NFIB: variants seen among roughly 807,000 people sequenced by gnomAD.
NFIB encodes the protein nuclear factor 1 B-type.
A neutral mutation model predicts 61.5 loss-of-function variants in NFIB; 11 were observed. That is an observed-to-expected ratio of 0.18 (90% confidence interval 0.11 to 0.30). The LOEUF (loss-of-function observed/expected upper bound fraction) is 0.30. Ranked by LOEUF, NFIB falls within the 10% of genes least tolerant of loss-of-function variation. The pLI is 1.00. For missense variants in NFIB, 471 were observed against 608.9 expected (o/e 0.77, Z 2.38); for synonymous variants, 260 against 216.5 (o/e 1.20, Z -1.76).
At chr9:14,384,505 T>G (rs1405265823) in intron 1 of NFIB, among the ~76,000 whole-genome samples, 1 of 152,172 alleles carries the variant, frequency 6.6e-6, no homozygotes, top group African/African-American at 2.4e-5. Context: ...TTTTCTCCTT[T>G]CCAAACCTGA....
chr9:14,477,364 T>C, the NFIB span, among the ~76,000 whole-genome samples: 1 of 152,246 alleles, frequency 6.6e-6, no homozygotes, highest in Non-Finnish European at 1.5e-5. Flanking sequence ...AATCTTTTTC[T>C]GGGTATATAT....
intron 1 of NFIB, among the ~76,000 whole-genome samples, chr9:14,380,497 A>G (rs2061474915): frequency 6.6e-6 from 1 of 152,248 alleles, no homozygotes; most frequent in Non-Finnish European, 1.5e-5. Context: ...GAATTTATCC[A>G]TATAGAAAAC....
At chr9:14,525,179 A>G in the NFIB span, among the ~76,000 whole-genome samples, 3 of 152,166 alleles carry the variant, frequency 2.0e-5, no homozygotes, top group Admixed American at 6.5e-5. Flanking sequence ...TTTAACACAG[A>G]GGGAGAGCTG....
intron 3 of NFIB, among the ~76,000 whole-genome samples, chr9:14,165,303 T>C (rs983738277): frequency 6.6e-6 from 1 of 152,136 alleles, no homozygotes; most frequent in Non-Finnish European, 1.5e-5. Context: ...AAAACTTGAA[T>C]ACCTAAATTT....
chr9:14,164,429 G>A (rs571967665), intron 3 of NFIB, among the ~76,000 whole-genome samples: 20 of 152,126 alleles, frequency 1.3e-4, no homozygotes, highest in Admixed American at 6.5e-4. Flanking sequence ...TACTGATACC[G>A]TAGGGGATTT....
intron 2 of NFIB, among the ~76,000 whole-genome samples, chr9:14,207,772 C>A (rs1261384759): frequency 6.6e-6 from 1 of 152,168 alleles, no homozygotes; most frequent in East Asian, 1.9e-4. Context: ...CTTGGCTGTA[C>A]TTAACCAGAG....
intron 1 of NFIB, among the ~76,000 whole-genome samples, chr9:14,351,453 T>C (rs895051997): frequency 6.6e-6 from 1 of 152,162 alleles, no homozygotes; most frequent in Non-Finnish European, 1.5e-5. Context: ...TCACACCCCT[T>C]CTGCCTACCA....
intron 6 of NFIB, among the ~76,000 whole-genome samples, chr9:14,143,000 C>A (rs1301268645): frequency 1.3e-5 from 2 of 151,970 alleles, no homozygotes; most frequent in Non-Finnish European, 1.5e-5. Flanking sequence ...ATAAATACTA[C>A]ATAATATAGA....
intron 2 of NFIB, among the ~76,000 whole-genome samples, chr9:14,287,384 A>G (rs907281777): frequency 6.6e-6 from 1 of 150,560 alleles, no homozygotes; most frequent in Non-Finnish European, 1.5e-5. Context: ...AGCTGAGATC[A>G]CGCCACTGCA....
intron 2 of NFIB, among the ~76,000 whole-genome samples, chr9:14,283,544 A>ATCAGTACTT (rs2058516290): frequency 6.6e-6 from 1 of 152,230 alleles, no homozygotes; most frequent in Non-Finnish European, 1.5e-5. Flanking sequence ...AATGTCCTTG[A>ATCAGTACTT]GGACAATGGA....
chr9:14,479,036 C>T, the NFIB span, among the ~76,000 whole-genome samples: 2 of 152,076 alleles, frequency 1.3e-5, no homozygotes, highest in African/African-American at 2.4e-5. Context: ...TGGGATTAGA[C>T]CAAGAAATTA....
chr9:14,146,610 G>A (rs1020434991), intron 6 of NFIB, 79 bp downstream of exon 6: 44 of 1,594,126 alleles, frequency 2.8e-5, no homozygotes, highest in Non-Finnish European at 3.0e-5. Context: ...GTTTAATTAT[G>A]AAATTTTGAC....
chr9:14,281,224 T>C (rs1001358819), intron 2 of NFIB, among the ~76,000 whole-genome samples: 4 of 152,158 alleles, frequency 2.6e-5, no homozygotes, highest in Non-Finnish European at 5.9e-5. Flanking sequence ...AAACATATAA[T>C]GCAAATAATA....
the NFIB span, among the ~76,000 whole-genome samples, chr9:14,463,582 C>CA: frequency 6.6e-6 from 1 of 150,722 alleles, no homozygotes; most frequent in African/African-American, 2.4e-5. Context: ...ATTTTCCCCA[C>CA]ATTTTATTAA....
chr9:14,422,382 T>G, the NFIB span, among the ~76,000 whole-genome samples: 1 of 152,218 alleles, frequency 6.6e-6, no homozygotes, highest in Non-Finnish European at 1.5e-5. Flanking sequence ...AGTCCATGTT[T>G]GCTCACCATA....
At chr9:14,236,651 T>A (rs1460237350) in intron 2 of NFIB, among the ~76,000 whole-genome samples, 3 of 152,152 alleles carry the variant, frequency 2.0e-5, no homozygotes, top group African/African-American at 7.2e-5. Context: ...TTCCAGAGAA[T>A]TTTTTGGATT....
chr9:14,281,597 CA>C (rs2058372021), intron 2 of NFIB, among the ~76,000 whole-genome samples: 1 of 152,302 alleles, frequency 6.6e-6, no homozygotes, highest in East Asian at 1.9e-4. Flanking sequence ...GATGTAATTA[CA>C]GTTGTTGGCT....
At chr9:14,503,247 A>T in the NFIB span, among the ~76,000 whole-genome samples, 1 of 151,956 alleles carries the variant, frequency 6.6e-6, no homozygotes, top group Non-Finnish European at 1.5e-5. Context: ...TGCTGCTATA[A>T]ACATGTGTGT....
the NFIB span, among the ~76,000 whole-genome samples, chr9:14,510,173 G>C: frequency 1.3e-5 from 2 of 152,206 alleles, no homozygotes; most frequent in African/African-American, 4.8e-5. Flanking sequence ...TGGGATTACA[G>C]GCGTGAGCCA....
Sources: allele counts gnomAD v4.1 joint callset (sites outside exome capture counted in the v4.1 genomes callset), GRCh38; gene constraint gnomAD v4.1.1; transcripts MANE v1.5; gene names NCBI Gene and HGNC (gene_info 2026-07-23, HGNC 2026-07-21).